Variants in CATSPERB observed in about 807,000 individuals in gnomAD.
The protein encoded by CATSPERB is cation channel sperm-associated auxiliary subunit beta.
A neutral mutation model predicts 128.3 loss-of-function variants in CATSPERB; 93 were observed. That is an observed-to-expected ratio of 0.72 (90% CI 0.61 to 0.86). The LOEUF (loss-of-function observed/expected upper bound fraction) is 0.86. Among genes scored for constraint, CATSPERB ranks in the 40% least tolerant of loss-of-function variants. CATSPERB has a pLI of 0.00. For missense variants in CATSPERB, 1,153 were observed against 1,329.5 expected (o/e 0.87, Z 2.06); for synonymous variants, 381 against 448.8 (o/e 0.85, Z 1.91).
At chr14:91,726,370 C>T (rs1004559472) in intron 2 of CATSPERB, among the ~76,000 whole-genome samples, 3 of 152,216 alleles carry the variant, frequency 2.0e-5, no homozygotes, top group Non-Finnish European at 4.4e-5. Flanking sequence ...CTGCATGCTC[C>T]CCATCCCGTA....
rs367669810 is a variant in CATSPERB, at chr14:91,580,884, T to C, written c.*5A>G. On this transcript the variant is annotated 3_prime_UTR_variant, in exon 27 of 27. Coordinates refer to ENST00000256343, the MANE Select transcript of CATSPERB (RefSeq NM_024764.4). ...AAATAAAGAGAAATTATGATCACCA[T>C]GTGTTCACTCTTCAGACTTTGATCT... 1.0e-5 allele frequency: 16 copies of C among 1,605,984 alleles called. No individual in the cohort carries two copies. The African/African-American group carries it at 1.9e-4, about 19-fold the overall frequency.
chr14:91,668,409 CACCAATCAGCACTCTGTAAAATGG>C (rs1180731030), intron 14 of CATSPERB, among the ~76,000 whole-genome samples: 6 of 152,090 alleles, frequency 3.9e-5, no homozygotes, highest in African/African-American at 9.7e-5. Flanking sequence ...ATTGTAAACG[CACCAATCAGCACTCTGTAAAATGG>C]ACCAATCAGC....
At chr14:91,596,172 C>A (rs1414142301) in intron 22 of CATSPERB, among the ~76,000 whole-genome samples, 1 of 152,036 alleles carries the variant, frequency 6.6e-6, no homozygotes, top group Non-Finnish European at 1.5e-5. Context: ...CATTTAAGTG[C>A]ATCTGTTAGA....
At chr14:91,696,061 T>C (rs562929521) in intron 7 of CATSPERB, among the ~76,000 whole-genome samples, 2 of 152,336 alleles carry the variant, frequency 1.3e-5, no homozygotes, top group Admixed American at 1.3e-4. Context: ...TTATTAGCCA[T>C]CAAGAAGAAA....
chr14:91,685,376 A>G (rs897182411), intron 10 of CATSPERB, among the ~76,000 whole-genome samples: 4 of 152,184 alleles, frequency 2.6e-5, no homozygotes, highest in Non-Finnish European at 5.9e-5. Flanking sequence ...GAGTTATACA[A>G]CTTGTTCAAA....
chr14:91,607,408 C>T (rs2139774176), intron 22 of CATSPERB, among the ~76,000 whole-genome samples: 1 of 152,248 alleles, frequency 6.6e-6, no homozygotes, highest in South Asian at 2.1e-4. Flanking sequence ...CCTGAAGAGT[C>T]AGCCATGTGG....
chr14:91,580,933 T>C lies in CATSPERB; in HGVS notation c.3307A>G (p.Ile1103Val). The change falls in exon 27 of 27, where the codon ATC becomes GTC. Residue 1103 changes from isoleucine (I) to valine (V), a missense_variant. Ile to Val is a conservative substitution (Grantham distance 29). Transcript: ENST00000256343. The stretch of plus-strand genomic sequence containing the variant: ...CTATGAATCAGCTCACTGAGAGAGA[T>C]ACTTGAAAACTTCTCTTGGTTTCTT... ...IRRNQEKFSS[I>V]SLSELIHRSK... The C allele has an allele frequency of 6.2e-7, 1 of 1,614,268 alleles. No individual in the cohort carries two copies. Among genetic ancestry groups the C allele is most frequent in the Non-Finnish European group, 8.5e-7 (1 of 1,180,038 alleles).
chr14:91,728,161 T>TG (rs1896149580), intron 2 of CATSPERB, among the ~76,000 whole-genome samples: 1 of 152,218 alleles, frequency 6.6e-6, no homozygotes, highest in Non-Finnish European at 1.5e-5. Context: ...TCACCCAGGC[T>TG]GGAGTGTAGT....
intron 26 of CATSPERB, among the ~76,000 whole-genome samples, chr14:91,585,387 T>C (rs931647267): frequency 5.9e-5 from 9 of 152,144 alleles, no homozygotes; most frequent in African/African-American, 2.2e-4. Context: ...TGAGGCAAGA[T>C]CTTCTTCTTC....
At chr14:91,599,545 CAA>C (rs36175924) in intron 22 of CATSPERB, among the ~76,000 whole-genome samples, 21 of 113,936 alleles carry the variant, frequency 1.8e-4, no homozygotes, top group Admixed American at 2.8e-4. Flanking sequence ...GGCGGCAGAG[CAA>C]AAAAAAAAAA....
At chr14:91,634,211 T>A (rs1400273310) in intron 17 of CATSPERB, among the ~76,000 whole-genome samples, 1 of 152,196 alleles carries the variant, frequency 6.6e-6, no homozygotes, top group Non-Finnish European at 1.5e-5. Flanking sequence ...AAAATGTTAT[T>A]AAGAAAATCG....
intron 6 of CATSPERB, among the ~76,000 whole-genome samples, chr14:91,706,264 TTCACCAGGAAG>T (rs1215378028): frequency 2.0e-5 from 3 of 152,124 alleles, no homozygotes; most frequent in Non-Finnish European, 2.9e-5. Context: ...ACTACACTAA[TTCACCAGGAAG>T]TCACTCCAGA....
At chr14:91,687,463 C>T (rs1406800464) in intron 10 of CATSPERB, among the ~76,000 whole-genome samples, 6 of 152,124 alleles carry the variant, frequency 3.9e-5, no homozygotes, top group African/African-American at 9.7e-5. Flanking sequence ...CCCTCTGCCA[C>T]GTGAGGGCAC....
At chr14:91,590,902 C>T (rs985841108) in intron 23 of CATSPERB, among the ~76,000 whole-genome samples, 2 of 152,040 alleles carry the variant, frequency 1.3e-5, no homozygotes, top group Admixed American at 6.5e-5. Context: ...CCGCCCGCCT[C>T]GGCCTCCCAA....
chr14:91,729,277 G>C (rs1896171987), intron 2 of CATSPERB, 124 bp downstream of exon 2: 1 of 470,682 alleles, frequency 2.1e-6, no homozygotes, highest in African/African-American at 2.0e-5. Context: ...ACAATATTGG[G>C]AAACAATTGG....
chr14:91,720,728 G>A (rs973091595), intron 4 of CATSPERB, among the ~76,000 whole-genome samples: 1 of 152,072 alleles, frequency 6.6e-6, no homozygotes, highest in South Asian at 2.1e-4. Context: ...AAATTGGCAA[G>A]CTTATCCTAA....
chr14:91,708,649 A>G (rs1486455618), intron 5 of CATSPERB, among the ~76,000 whole-genome samples: 1 of 152,226 alleles, frequency 6.6e-6, no homozygotes, highest in African/African-American at 2.4e-5. Flanking sequence ...GGAATCATAG[A>G]AAAGAATTAA....
At chr14:91,691,409 A>C in intron 10 of CATSPERB, 114 bp downstream of exon 10, 2 of 573,562 alleles carry the variant, frequency 3.5e-6, no homozygotes. Context: ...TAAACTATAA[A>C]TAATATAGTA....
chr14:91,664,163 C>T (rs775878739), intron 14 of CATSPERB, among the ~76,000 whole-genome samples: 10 of 151,930 alleles, frequency 6.6e-5, no homozygotes, highest in Middle Eastern at 3.4e-3. Flanking sequence ...ATAGTTTTGC[C>T]TTTTCCAGAA....
Sources: gnomAD v4.1 joint callset for allele counts (sites outside exome capture counted in the v4.1 genomes callset) on GRCh38, gnomAD v4.1.1 for gene constraint, MANE v1.5 for transcripts, NCBI Gene and HGNC (gene_info 2026-07-23, HGNC 2026-07-21) for gene names.